STK31: variants seen among roughly 807,000 people sequenced by gnomAD.
The protein encoded by STK31 is serine/threonine-protein kinase 31.
A neutral mutation model predicts 129.7 loss-of-function variants in STK31; 89 were observed. That is an observed-to-expected ratio of 0.69 (90% CI 0.58 to 0.82). The LOEUF (loss-of-function observed/expected upper bound fraction) is 0.82, where lower values mean the gene tolerates loss of function less well. Among genes scored for constraint, STK31 ranks in the 40% least tolerant of loss-of-function variants. The pLI, the probability that STK31 is intolerant of heterozygous loss-of-function variation, is 0.00. For synonymous variants in STK31, 448 were observed against 395.3 expected, an observed-to-expected ratio of 1.13 and a Z score of -1.58; for missense variants, 1,187 against 1,176.4, an observed-to-expected ratio of 1.01 and a Z score of -0.13.
intron 22 of STK31, among the ~76,000 whole-genome samples, chr7:23,813,439 T>G (rs1255532901): frequency 6.6e-6 from 1 of 152,188 alleles, no homozygotes; most frequent in Non-Finnish European, 1.5e-5. Context: ...GTATGACAAG[T>G]GATTTTTAAT....
chr7:23,746,056 C>T (rs922227175), intron 8 of STK31, among the ~76,000 whole-genome samples: 1 of 152,200 alleles, frequency 6.6e-6, no homozygotes, highest in East Asian at 1.9e-4. Flanking sequence ...GAGATGTCAG[C>T]TTTGCTCCAG....
At chr7:23,731,553 T>C (rs1438719409) in intron 6 of STK31, among the ~76,000 whole-genome samples, 1 of 152,226 alleles carries the variant, frequency 6.6e-6, no homozygotes, top group African/African-American at 2.4e-5. Flanking sequence ...AATAAATAGA[T>C]GAACAGCAGG....
At chr7:23,788,612 A>C (rs867777801) in intron 21 of STK31, among the ~76,000 whole-genome samples, 3 of 152,168 alleles carry the variant, frequency 2.0e-5, no homozygotes, top group Non-Finnish European at 4.4e-5. Context: ...ATATTACCTC[A>C]GAATAGGCAG....
At chr7:23,744,603 G>A (rs1788240169) in intron 8 of STK31, among the ~76,000 whole-genome samples, 1 of 152,146 alleles carries the variant, frequency 6.6e-6, no homozygotes, top group African/African-American at 2.4e-5. Flanking sequence ...TTGTAGGGGA[G>A]GATCTTTTCC....
intron 20 of STK31, 92 bp from the exon 21 acceptor site, chr7:23,787,888 C>T (rs1791392692): frequency 1.6e-6 from 2 of 1,263,512 alleles, no homozygotes; most frequent in Non-Finnish European, 1.1e-6. Flanking sequence ...AAACTTTACT[C>T]ACTTCTAGAG....
intron 6 of STK31, among the ~76,000 whole-genome samples, chr7:23,730,450 GT>G (rs1240203564): frequency 6.6e-6 from 1 of 152,084 alleles, no homozygotes; most frequent in Admixed American, 6.5e-5. Flanking sequence ...CAAGTTTCTG[GT>G]TTAAAATCTA....
intron 12 of STK31, 76 bp from the exon 13 acceptor site, chr7:23,769,564 T>G (rs897279242): frequency 1.4e-4 from 136 of 991,542 alleles, no homozygotes; most frequent in Non-Finnish European, 1.9e-4. Context: ...CTTAATACTC[T>G]GCTTCAGGTA....
chr7:23,731,471 A>C (rs1787429950), intron 6 of STK31, among the ~76,000 whole-genome samples: 1 of 152,196 alleles, frequency 6.6e-6, no homozygotes, highest in Non-Finnish European at 1.5e-5. Flanking sequence ...GGTAGAGATA[A>C]GTATTCACTT....
intron 15 of STK31, among the ~76,000 whole-genome samples, chr7:23,776,643 A>G (rs13311323): frequency 0.17 from 26,580 of 152,002 alleles, 2,343 homozygotes; most frequent in East Asian, 0.22. Context: ...ATTCTGTGAT[A>G]GTAGCTTGGA....
At chr7:23,712,904 A>C (rs1158844548) in intron 3 of STK31, among the ~76,000 whole-genome samples, 3 of 152,184 alleles carry the variant, frequency 2.0e-5, no homozygotes, top group Non-Finnish European at 4.4e-5. Context: ...ATGATACGGA[A>C]GGGAAAGAAA....
chr7:23,744,039 C>T (rs1430218574), intron 8 of STK31, among the ~76,000 whole-genome samples: 1 of 151,946 alleles, frequency 6.6e-6, no homozygotes, highest in Non-Finnish European at 1.5e-5. Context: ...CCTGCCTCAG[C>T]TTCCTGAGTA....
At chr7:23,825,095 G>A (rs1794046669) in intron 23 of STK31, among the ~76,000 whole-genome samples, 1 of 152,064 alleles carries the variant, frequency 6.6e-6, no homozygotes, top group Non-Finnish European at 1.5e-5. Flanking sequence ...TTTGGTATCA[G>A]GATGATGCTG....
chr7:23,710,278 A>G lies in STK31; in HGVS notation c.-8A>G, dbSNP rs755169270. 1 of 1,612,202 alleles carries G rather than the reference A, an allele frequency of 6.2e-7. No homozygotes were observed. The highest frequency in any genetic ancestry group is 1.7e-5 in the Admixed American group (1 of 59,996). ...GTGCTACGGCGGGCGGAGGGCCGAA[A>G]GTCCAGTATGTGGGTCCAGGGTCAC... is the stretch of plus-strand genomic sequence containing the variant. On this transcript the variant is annotated 5_prime_UTR_variant, in exon 1 of 24. Transcript: ENST00000355870.
chr7:23,800,138 G>A (rs1792274645), intron 22 of STK31, among the ~76,000 whole-genome samples: 1 of 152,150 alleles, frequency 6.6e-6, no homozygotes, highest in Non-Finnish European at 1.5e-5. Flanking sequence ...GTTGGTGGGA[G>A]TGTAAATTAG....
intron 23 of STK31, among the ~76,000 whole-genome samples, chr7:23,824,334 T>C (rs369079298): frequency 3.3e-5 from 5 of 152,128 alleles, no homozygotes; most frequent in African/African-American, 7.2e-5. Flanking sequence ...AGTTGGATTC[T>C]TAGGTATTTT....
At chr7:23,806,903 A>C (rs1792747610) in intron 22 of STK31, among the ~76,000 whole-genome samples, 1 of 130,638 alleles carries the variant, frequency 7.7e-6, no homozygotes, top group African/African-American at 3.5e-5. Flanking sequence ...CCGTCTCAGA[A>C]AAAAAAAAAA....
intron 8 of STK31, among the ~76,000 whole-genome samples, chr7:23,750,583 C>G (rs1019586099): frequency 6.6e-6 from 1 of 152,030 alleles, no homozygotes; most frequent in African/African-American, 2.4e-5. Flanking sequence ...CTAAGCATTG[C>G]TTTATTTACA....
intron 23 of STK31, among the ~76,000 whole-genome samples, chr7:23,819,046 C>CT (rs1188941146): frequency 6.6e-6 from 1 of 152,102 alleles, no homozygotes; most frequent in Non-Finnish European, 1.5e-5. Context: ...TTAATATAAA[C>CT]TTTTTAAGTC....
intron 22 of STK31, among the ~76,000 whole-genome samples, chr7:23,802,079 G>A (rs73271387): frequency 0.026 from 3,951 of 152,020 alleles, 150 homozygotes; most frequent in African/African-American, 0.077. Context: ...AAGGTCAGCC[G>A]AGAGAAAGGA....
Sources: allele counts gnomAD v4.1 joint callset (sites outside exome capture counted in the v4.1 genomes callset), GRCh38; gene constraint gnomAD v4.1.1; transcripts MANE v1.5; gene names NCBI Gene and HGNC (gene_info 2026-07-23, HGNC 2026-07-21).